Variants in GTF3C3 observed in about 807,000 individuals in gnomAD.
GTF3C3 encodes the protein general transcription factor 3C polypeptide 3.
In GTF3C3, 75 loss-of-function variants were observed where a neutral mutation model predicts 105.2. The ratio of observed to expected loss-of-function variants is 0.71; its 90% confidence interval spans 0.59 to 0.86. The LOEUF (loss-of-function observed/expected upper bound fraction) is 0.86. Ranked by LOEUF, GTF3C3 falls within the 40% of genes least tolerant of loss-of-function variation. The pLI is 0.00. For missense variants in GTF3C3, 856 were observed against 1,076.5 expected, an observed-to-expected ratio of 0.80 and a Z score of 2.87; for synonymous variants, 335 against 370.4, an observed-to-expected ratio of 0.90 and a Z score of 1.10.
At chr2:196,793,249 C>G in intron 2 of GTF3C3, 97 bp from the exon 3 acceptor site, 1 of 837,538 alleles carries the variant, frequency 1.2e-6, no homozygotes, top group South Asian at 1.9e-5. Context: ...ACCCCAGTAA[C>G]ACCAAATTTG....
intron 6 of GTF3C3, among the ~76,000 whole-genome samples, 174 bp downstream of exon 6, chr2:196,789,030 T>C (rs546402931): frequency 7.9e-5 from 12 of 152,212 alleles, no homozygotes; most frequent in African/African-American, 2.4e-4. Context: ...CATGCCATTA[T>C]ACTCCAGCCT....
Position 196,797,783 on chromosome 2 carries a change from T to A in GTF3C3, c.214+14A>T. The stretch of plus-strand genomic sequence containing the variant: ...CTAAACATTCATTGCAGGAAGCACA[T>A]AATTTTAACATACCTTCATTGACAT... On this transcript the variant is annotated intron_variant, in intron 2 of 17. Transcript: ENST00000263956. The A allele has an allele frequency of 7.2e-7, 1 of 1,380,518 alleles. No homozygotes were observed. The highest frequency in any genetic ancestry group is 1.0e-6 in the Non-Finnish European group (1 of 967,142). The allele number at this position is 1,380,518 out of a possible 1,614,324, so 85.5% of individuals were successfully genotyped here.
chr2:196,784,889 G>T lies in GTF3C3; in HGVS notation c.1082C>A (p.Thr361Asn), dbSNP rs1559302936. 5.0e-6 allele frequency: 8 copies of T among 1,593,286 alleles called. No individual in the cohort carries two copies. Among genetic ancestry groups the T allele is most frequent in the Non-Finnish European group, 6.0e-6 (7 of 1,165,486 alleles). ...DFSGIVLEKK[T>N]SEEGTSEENK... is the part of the protein sequence containing the mutation. ...CTCTTCTGAGGTGCCTTCTTCTGAA[G>T]TTTTTTTTTCCAGCACAATTCCAGA... Residue 361 changes from threonine to asparagine, a missense_variant, in exon 8 of 18, where the codon ACT becomes AAT. By Grantham distance (65) the Thr-to-Asn change is moderately conservative. Coordinates refer to ENST00000263956, the MANE Select transcript of GTF3C3 (RefSeq NM_012086.5).
rs781053162 is a variant in GTF3C3, at chr2:196,775,111, A to G, written c.1831+5T>C. ...TATATAACATAATGCAAATGAAGTT[A>G]TTACCTTTTGCATCACAATTTGCTG... On this transcript the variant is annotated splice_donor_5th_base_variant and intron_variant, in intron 13 of 17. Coordinates refer to ENST00000263956, the MANE Select transcript of GTF3C3 (RefSeq NM_012086.5). The G allele has an allele frequency of 6.2e-7, 1 of 1,611,348 alleles. No individual in the cohort carries two copies. The highest frequency in any genetic ancestry group is 1.1e-5 in the South Asian group (1 of 90,770).
At chr2:196,780,792 T>G in intron 8 of GTF3C3, 130 bp from the exon 9 acceptor site, 1 of 1,112,534 alleles carries the variant, frequency 9.0e-7, no homozygotes, top group Non-Finnish European at 1.2e-6. Context: ...CCAACTCTAT[T>G]AATAAGTTCT....
In GTF3C3 at chr2:196,764,454, AT is replaced by A; in HGVS notation, c.*108del. The A allele has an allele frequency of 1.0e-6, 1 of 962,684 alleles. No individual in the cohort carries two copies. Among genetic ancestry groups the A allele is most frequent in the Non-Finnish European group, 1.5e-6 (1 of 667,650 alleles). 59.6% of individuals were successfully genotyped at this position (962,684 alleles called of 1,614,324 possible). A position where few individuals can be genotyped will look rare whatever the true frequency, so the allele number is the denominator to read the frequency against. Reference sequence around the variant, plus strand: ...AAATAAATACACTGTTTGTTAGGTAATTCTGAAATTGTCATTTCTATTTTGG... The same window carrying A: ...AAATAAATACACTGTTTGTTAGGTAATCTGAAATTGTCATTTCTATTTTGG... On this transcript the variant is annotated 3_prime_UTR_variant, in exon 18 of 18. Transcript: ENST00000263956.
chr2:196,797,956 G>A (rs1334466744), intron 1 of GTF3C3, 48 bp from the exon 2 acceptor site: 1 of 1,031,838 alleles, frequency 9.7e-7, no homozygotes, highest in African/African-American at 1.6e-5. Flanking sequence ...TGCAGACTTA[G>A]CTCTCCCCAG....
At chr2:196,795,725 T>C (rs1699631387) in intron 2 of GTF3C3, among the ~76,000 whole-genome samples, 1 of 152,220 alleles carries the variant, frequency 6.6e-6, no homozygotes, top group South Asian at 2.1e-4. Context: ...AATTACTGAA[T>C]GTTACTAAGA....
intron 17 of GTF3C3, among the ~76,000 whole-genome samples, chr2:196,765,805 T>G (rs544458492): frequency 2.6e-5 from 4 of 151,648 alleles, no homozygotes; most frequent in Non-Finnish European, 4.4e-5. Context: ...GGTCAGGAGA[T>G]CGAGACCATC....
Position 196,772,992 on chromosome 2 carries a change from G to A in GTF3C3, c.1993C>T (p.Arg665Cys), listed in dbSNP as rs367732959. Residue 665 changes from arginine to cysteine, a missense_variant, in exon 14 of 18, where the codon CGC becomes TGC. Arg to Cys is a radical substitution (Grantham distance 180, BLOSUM62 -3). Transcript: ENST00000263956. ...YYSFYDDRQK[R>C]KELEYFGLSA... is the part of the protein sequence containing the mutation. Reference sequence around the variant, plus strand: ...AGACCAAAGTATTCTAGTTCTTTGCGTTTTTGCCTGTCATCATAAAATGAG... The same window carrying A: ...AGACCAAAGTATTCTAGTTCTTTGCATTTTTGCCTGTCATCATAAAATGAG... 3.1e-6 allele frequency: 5 copies of A among 1,611,100 alleles called. No homozygotes were observed. Among genetic ancestry groups the A allele is most frequent in the Non-Finnish European group, 4.2e-6 (5 of 1,179,042 alleles).
At chr2:196,772,577 A>C (rs984855833) in intron 14 of GTF3C3, among the ~76,000 whole-genome samples, 7 of 152,120 alleles carry the variant, frequency 4.6e-5, no homozygotes, top group Non-Finnish European at 1.0e-4. Context: ...TAATAATAAT[A>C]ATTGCCAGGC....
rs760580807 is a variant in GTF3C3 at position 196,764,525 on chromosome 2, A to G, written c.*38T>C. ...TGAGACAGAAGACACTGGTCCTCAC[A>G]CAGCAGCTGCCATTGCTCTGTTCTC... is the stretch of plus-strand genomic sequence containing the variant. On this transcript the variant is annotated 3_prime_UTR_variant, in exon 18 of 18. Transcript: ENST00000263956. 7 of 1,583,838 alleles carry G rather than the reference A, an allele frequency of 4.4e-6. No individual in the cohort carries two copies. Among genetic ancestry groups the G allele is most frequent in the Non-Finnish European group, 6.0e-6 (7 of 1,161,578 alleles).
chr2:196,773,631 A>G, intron 13 of GTF3C3: 1 of 415,656 alleles, frequency 2.4e-6, no homozygotes, highest in South Asian at 1.8e-5. Flanking sequence ...TTCCATTATT[A>G]TTGTTGTAAT....
Position 196,793,129 on chromosome 2 carries a change from T to G in GTF3C3, c.238A>C (p.Lys80Gln). 1.2e-6 allele frequency: 2 copies of G among 1,611,952 alleles called. No homozygotes were observed. The highest frequency in any genetic ancestry group is 8.5e-7 in the Non-Finnish European group (1 of 1,178,466). ...GAAGCAAAGACCTTGTGAACTGACT[T>G]CCTCACTCCATCTGATGTTTCTCCT... ...NEGETSDGVR[K>Q]SVHKVFASML... The change falls in exon 3 of 18, where the codon AAG becomes CAG. Residue 80 changes from lysine to glutamine, a missense_variant. Physicochemically the swap from Lys to Gln is moderately conservative, Grantham distance 53. Coordinates refer to ENST00000263956, the MANE Select transcript of GTF3C3 (RefSeq NM_012086.5).
rs558988237 is a variant in GTF3C3, at chr2:196,776,772, T to A, written c.1391-143A>T. Reference sequence around the variant, plus strand: ...GCGTATTTCTAGTACTTTAAAACTATCCCTAATCTCTATTAATCAATCGAT... The same window carrying A: ...GCGTATTTCTAGTACTTTAAAACTAACCCTAATCTCTATTAATCAATCGAT... On this transcript the variant is annotated intron_variant, in intron 10 of 17. Transcript: ENST00000263956. The surrounding 1 kb of genome is among the most constrained non-coding windows in gnomAD (Gnocchi z 4.5). 13 of 611,524 alleles carry A rather than the reference T, an allele frequency of 2.1e-5. No homozygotes were observed. In the East Asian group the frequency reaches 3.4e-4, roughly 16 times the overall value. The allele number at this position is 611,524 out of a possible 1,614,324, so 37.9% of individuals were successfully genotyped here.
intron 8 of GTF3C3, 80 bp from the exon 9 acceptor site, chr2:196,780,742 C>A: frequency 6.7e-7 from 1 of 1,487,284 alleles, no homozygotes; most frequent in East Asian, 2.4e-5. Context: ...TCATTTATTT[C>A]ATTCAAAGCA....
In GTF3C3 at chr2:196,770,056, G is replaced by A. The variant is rs1576017069; in HGVS notation, c.2261-17C>T. ...CATACTGTCCTGGAAAATAAGCAGT[G>A]GTGTCAGACGGTGTGACAAGAACAG... On this transcript the variant is annotated splice_polypyrimidine_tract_variant and intron_variant, in intron 15 of 17. Coordinates refer to ENST00000263956, the MANE Select transcript of GTF3C3 (RefSeq NM_012086.5). 6.7e-7 allele frequency: 1 copy of A among 1,485,646 alleles called. No homozygotes were observed. Among genetic ancestry groups the A allele is most frequent in the Non-Finnish European group, 8.9e-7 (1 of 1,121,990 alleles). The allele number at this position is 1,485,646 out of a possible 1,614,324, so 92.0% of individuals were successfully genotyped here. A position where few individuals can be genotyped will look rare whatever the true frequency, so the allele number is the denominator to read the frequency against.
chr2:196,779,125 T>C, intron 9 of GTF3C3, 58 bp from the exon 10 acceptor site: 1 of 1,193,688 alleles, frequency 8.4e-7, no homozygotes, highest in Non-Finnish European at 1.2e-6. Context: ...CACATCTATC[T>C]ATAGCTTTTT....
chr2:196,787,885 A>C (rs939741541), intron 6 of GTF3C3, among the ~76,000 whole-genome samples: 1 of 152,214 alleles, frequency 6.6e-6, no homozygotes, highest in Admixed American at 6.5e-5. Flanking sequence ...ACCAAAGGGA[A>C]AGCCTAAACA....
Sources: gnomAD v4.1 joint callset for allele counts (sites outside exome capture counted in the v4.1 genomes callset) on GRCh38, gnomAD v4.1.1 for gene constraint, Gnocchi (gnomAD v3.1) non-coding constraint, MANE v1.5 for transcripts, NCBI Gene and HGNC (gene_info 2026-07-23, HGNC 2026-07-21) for gene names.